GLIS3: variants seen among roughly 807,000 people sequenced by gnomAD.
GLIS3 encodes GLIS family zinc finger 3, also known as zinc finger protein GLIS3.
GLIS3 carries 53 observed loss-of-function variants against 78.6 expected under a neutral mutation model. That is an observed-to-expected ratio of 0.67 (90% confidence interval 0.54 to 0.85). GLIS3 has a LOEUF of 0.85. Among genes scored for constraint, GLIS3 ranks in the 40% least tolerant of loss-of-function variants. The pLI is 0.00. For missense variants in GLIS3, 1,703 were observed against 1,231.1 expected (o/e 1.38, Z -5.74); for synonymous variants, 684 against 509.9 (o/e 1.34, Z -4.60).
intron 2 of GLIS3, among the ~76,000 whole-genome samples, chr9:4,185,083 T>C (rs1436200723): frequency 6.6e-6 from 1 of 152,214 alleles, no homozygotes; most frequent in East Asian, 1.9e-4. Flanking sequence ...ATAGGATCCA[T>C]GATACCTATA....
At chr9:4,440,081 T>C in the GLIS3 span, among the ~76,000 whole-genome samples, 1 of 152,220 alleles carries the variant, frequency 6.6e-6, no homozygotes, top group Non-Finnish European at 1.5e-5. Flanking sequence ...CTTTTATATT[T>C]TGGATATCAA....
intron 4 of GLIS3, among the ~76,000 whole-genome samples, chr9:4,058,675 G>A (rs971419080): frequency 1.2e-4 from 18 of 152,090 alleles, no homozygotes; most frequent in African/African-American, 4.3e-4. Flanking sequence ...CTGACTTTGT[G>A]CCAAATATTT....
intron 4 of GLIS3, among the ~76,000 whole-genome samples, chr9:4,016,307 A>G (rs1422443093): frequency 6.6e-6 from 1 of 152,182 alleles, no homozygotes; most frequent in Admixed American, 6.5e-5. Flanking sequence ...GAAGACTCCA[A>G]AACTACTGAA....
At chr9:4,037,487 G>C in intron 4 of GLIS3, among the ~76,000 whole-genome samples, 1 of 151,842 alleles carries the variant, frequency 6.6e-6, no homozygotes, top group East Asian at 1.9e-4. Flanking sequence ...CATCAGTTGA[G>C]AATACCCCAC....
At chr9:4,364,595 T>C in the GLIS3 span, among the ~76,000 whole-genome samples, 4 of 151,940 alleles carry the variant, frequency 2.6e-5, no homozygotes, top group Non-Finnish European at 5.9e-5. Flanking sequence ...TATGTAGGCA[T>C]AGAAAAATAT....
At chr9:4,144,461 T>G (rs1455878771) in intron 2 of GLIS3, among the ~76,000 whole-genome samples, 1 of 152,214 alleles carries the variant, frequency 6.6e-6, no homozygotes, top group African/African-American at 2.4e-5. Context: ...TCATTTTTGT[T>G]TAGTCGGTCA....
intron 2 of GLIS3, among the ~76,000 whole-genome samples, chr9:4,338,193 G>C (rs540523045): frequency 1.3e-5 from 2 of 152,248 alleles, no homozygotes; most frequent in South Asian, 4.1e-4. Context: ...ATATCCCATT[G>C]AGATTTTGCT....
Position 4,010,032 on chromosome 9 carries a change from T to C in GLIS3, c.1711-72843A>G, listed in dbSNP as rs1386324989. ...TTTTGGGTTAAATAATTCTTCATTG[T>C]GGCGGGGGGCCAGTATCCCTGGCCT... is the stretch of plus-strand genomic sequence containing the variant. On this transcript the variant is annotated intron_variant, in intron 4 of 10. Coordinates refer to ENST00000381971, the MANE Select transcript of GLIS3 (RefSeq NM_001042413.2). Among the ~76,000 whole-genome samples, 14 of 152,310 alleles carry C rather than the reference T, an allele frequency of 9.2e-5. No individual in the cohort carries two copies. The South Asian group carries it at 2.9e-3, about 32-fold the overall frequency.
At chr9:4,445,485 T>C in the GLIS3 span, among the ~76,000 whole-genome samples, 1 of 151,960 alleles carries the variant, frequency 6.6e-6, no homozygotes, top group Admixed American at 6.6e-5. Flanking sequence ...ATAAAAATAA[T>C]TAGCTAGGCA....
chr9:4,191,582 A>C lies in GLIS3; in HGVS notation c.389-65641T>G, dbSNP rs6476820. ...ATACCATGTCTTATTCTTCCTCTTC[A>C]AACTTCCTTTCATTCTTATTAACTT... On this transcript the variant is annotated intron_variant, in intron 2 of 10. Coordinates refer to ENST00000381971, the MANE Select transcript of GLIS3 (RefSeq NM_001042413.2). Among the ~76,000 whole-genome samples the C allele has an allele frequency of 5.3e-5, 8 of 152,182 alleles. No homozygotes were observed. In the South Asian group the frequency reaches 1.7e-3, roughly 32 times the overall value.
At chr9:3,986,024 A>G (rs999400029) in intron 4 of GLIS3, among the ~76,000 whole-genome samples, 3 of 152,246 alleles carry the variant, frequency 2.0e-5, no homozygotes, top group Non-Finnish European at 4.4e-5. Context: ...TAAGCAAGAA[A>G]CAGTCAAGAA....
intron 6 of GLIS3, among the ~76,000 whole-genome samples, chr9:3,913,587 C>T (rs1824293192): frequency 6.6e-6 from 1 of 152,192 alleles, no homozygotes; most frequent in Admixed American, 6.5e-5. Flanking sequence ...TTTCTCTGGA[C>T]TCTACGTATC....
intron 2 of GLIS3, among the ~76,000 whole-genome samples, chr9:4,339,478 TA>T (rs1817801880): frequency 6.6e-6 from 1 of 151,960 alleles, no homozygotes; most frequent in African/African-American, 2.4e-5. Context: ...ATCTGTTACA[TA>T]AACAGCCTTG....
intron 1 of GLIS3, among the ~76,000 whole-genome samples, chr9:4,298,176 C>G (rs929839082): frequency 6.6e-6 from 1 of 152,002 alleles, no homozygotes; most frequent in Non-Finnish European, 1.5e-5. Flanking sequence ...GGGACCTGCG[C>G]GCGCTGCCCG....
intron 2 of GLIS3, among the ~76,000 whole-genome samples, chr9:4,253,690 C>T (rs1175215561): frequency 6.6e-6 from 1 of 152,206 alleles, no homozygotes; most frequent in Non-Finnish European, 1.5e-5. Flanking sequence ...GGTGTCCGCC[C>T]AAACGGCCGC....
chr9:3,884,551 T>C (rs912095141), intron 7 of GLIS3, among the ~76,000 whole-genome samples: 2 of 152,200 alleles, frequency 1.3e-5, no homozygotes, highest in African/African-American at 4.8e-5. Flanking sequence ...GCTGCTGGTA[T>C]GGAAACTACA....
At chr9:3,862,568 G>T (rs1362900435) in intron 8 of GLIS3, among the ~76,000 whole-genome samples, 1 of 152,088 alleles carries the variant, frequency 6.6e-6, no homozygotes, top group Non-Finnish European at 1.5e-5. Flanking sequence ...TACCAGTCAA[G>T]CATGTCATAA....
At chr9:3,952,850 T>C (rs1166530060) in intron 4 of GLIS3, among the ~76,000 whole-genome samples, 2 of 152,116 alleles carry the variant, frequency 1.3e-5, no homozygotes, top group Non-Finnish European at 2.9e-5. Flanking sequence ...TAAAAAAAAC[T>C]CCCAACCGAT....
At chr9:3,874,148 G>A (rs1235214976) in intron 8 of GLIS3, among the ~76,000 whole-genome samples, 1 of 152,046 alleles carries the variant, frequency 6.6e-6, no homozygotes, top group Non-Finnish European at 1.5e-5. Context: ...GAGAGACCAA[G>A]GCAGGATTAG....
Sources: gnomAD v4.1 joint callset for allele counts (sites outside exome capture counted in the v4.1 genomes callset) on GRCh38, gnomAD v4.1.1 for gene constraint, MANE v1.5 for transcripts, NCBI Gene and HGNC (gene_info 2026-07-23, HGNC 2026-07-21) for gene names.